CHODL: variants seen among roughly 807,000 people sequenced by gnomAD.
CHODL encodes the protein transmembrane protein MT75.
Under a neutral mutation model 34.5 loss-of-function variants are expected in CHODL, and 29 were observed. That is an observed-to-expected ratio of 0.84 (90% CI 0.63 to 1.15). The LOEUF (loss-of-function observed/expected upper bound fraction) is 1.15. Ranked by LOEUF, CHODL falls within the 50% of genes most tolerant of loss-of-function variation. CHODL has a pLI of 0.00. For missense variants in CHODL, 332 were observed against 332.5 expected (o/e 1.00, Z 0.01); for synonymous variants, 125 against 116.1 (o/e 1.08, Z -0.49).
chr21:18,082,621 A>G (rs1187637415), intron 2 of CHODL, among the ~76,000 whole-genome samples: 7 of 152,170 alleles, frequency 4.6e-5, no homozygotes, highest in Non-Finnish European at 5.9e-5. Flanking sequence ...TCAAATGGAG[A>G]TAAGAAACCT....
At chr21:18,041,193 C>G (rs1263687753) in intron 2 of CHODL, among the ~76,000 whole-genome samples, 5 of 151,940 alleles carry the variant, frequency 3.3e-5, no homozygotes, top group Admixed American at 3.3e-4. Flanking sequence ...TGTTATTGGC[C>G]TGTCATAGAC....
intron 2 of CHODL, among the ~76,000 whole-genome samples, chr21:18,172,703 G>A (rs2146662381): frequency 6.6e-6 from 1 of 152,222 alleles, no homozygotes. Flanking sequence ...ATCTTCAGAA[G>A]TCCTTGTTCC....
At chr21:17,921,100 T>C (rs752208980) in intron 1 of CHODL, among the ~76,000 whole-genome samples, 2 of 152,114 alleles carry the variant, frequency 1.3e-5, no homozygotes, top group Non-Finnish European at 2.9e-5. Flanking sequence ...AGAAACAGAT[T>C]TATTATAAGA....
upstream of CHODL, among the ~76,000 whole-genome samples, chr21:18,242,828 C>A (rs2074094754): frequency 6.6e-6 from 1 of 152,170 alleles, no homozygotes; most frequent in South Asian, 2.1e-4. Context: ...TCCTGAATTA[C>A]TAATACCATG....
chr21:18,182,517 C>T (rs2073393750), intron 2 of CHODL, among the ~76,000 whole-genome samples: 1 of 152,130 alleles, frequency 6.6e-6, no homozygotes, highest in Admixed American at 6.5e-5. Flanking sequence ...ACAATTTTGT[C>T]AGTTCTATCT....
rs536330109 is a variant in CHODL, at chr21:18,135,082, A to G, written c.-45+107111A>G. ...CTTGAGCCATGTTTGCATTATAAGA[A>G]AAACTACACTTACCGTAAGTAAATG... On this transcript the variant is annotated intron_variant, in intron 2 of 6. Transcript: ENST00000400127. Among the ~76,000 whole-genome samples the G allele has an allele frequency of 4.6e-5, 7 of 152,368 alleles. No individual in the cohort carries two copies. In the South Asian group the frequency reaches 1.2e-3, roughly 27 times the overall value.
intron 2 of CHODL, among the ~76,000 whole-genome samples, chr21:18,050,184 A>G (rs539005963): frequency 8.6e-5 from 13 of 152,022 alleles, no homozygotes; most frequent in African/African-American, 2.4e-4. Flanking sequence ...ACAGAGGGAC[A>G]TTTTCCTCAA....
chr21:18,216,646 T>G, intron 2 of CHODL, among the ~76,000 whole-genome samples: 1 of 152,192 alleles, frequency 6.6e-6, no homozygotes, highest in East Asian at 1.9e-4. Context: ...AAAAAATACC[T>G]GAGACTGGGT....
chr21:18,215,036 C>G (rs1055127880), intron 2 of CHODL, among the ~76,000 whole-genome samples: 2 of 151,954 alleles, frequency 1.3e-5, no homozygotes, highest in Non-Finnish European at 2.9e-5. Context: ...TGTAATAAAT[C>G]TAAGAAAAAT....
intron 2 of CHODL, among the ~76,000 whole-genome samples, chr21:18,229,881 A>G (rs532880206): frequency 6.6e-6 from 1 of 152,222 alleles, no homozygotes; most frequent in African/African-American, 2.4e-5. Context: ...CGAAAGGATA[A>G]TCTTCGCAAA....
intron 2 of CHODL, among the ~76,000 whole-genome samples, chr21:18,233,720 T>G (rs1369303024): frequency 6.6e-6 from 1 of 152,102 alleles, no homozygotes; most frequent in African/African-American, 2.4e-5. Context: ...TTCATAATGG[T>G]TAGGCTGCTT....
At chr21:18,173,688 A>G (rs973108146) in intron 2 of CHODL, among the ~76,000 whole-genome samples, 1 of 152,110 alleles carries the variant, frequency 6.6e-6, no homozygotes, top group Non-Finnish European at 1.5e-5. Flanking sequence ...AGTCTATGCT[A>G]TCTACATTGG....
rs191283911 is a variant in CHODL, at chr21:18,179,308, C to T, written c.-44-77201C>T. On this transcript the variant is annotated intron_variant, in intron 2 of 6. Transcript: ENST00000400127. The stretch of plus-strand genomic sequence containing the variant: ...AAACACTTGGGAGTCAGCCTCTGTT[C>T]GTCGATTCCTGTCTTAATTACTTTG... Among the ~76,000 whole-genome samples, 11 of 152,212 alleles carry T rather than the reference C, an allele frequency of 7.2e-5. No individual in the cohort carries two copies. In the East Asian group the frequency reaches 1.9e-3, roughly 27 times the overall value.
chr21:17,945,805 C>A (rs2063402817), intron 1 of CHODL, among the ~76,000 whole-genome samples: 1 of 152,004 alleles, frequency 6.6e-6, no homozygotes, highest in African/African-American at 2.4e-5. Flanking sequence ...ATCTAATAAT[C>A]AAACTATCAA....
intron 1 of CHODL, among the ~76,000 whole-genome samples, chr21:18,012,450 T>C (rs1183982346): frequency 2.6e-5 from 4 of 152,064 alleles, no homozygotes; most frequent in East Asian, 1.9e-4. Flanking sequence ...AGCTGAAAAA[T>C]GGTAAAGAAT....
chr21:18,195,156 AC>A, intron 2 of CHODL, among the ~76,000 whole-genome samples: 1 of 151,958 alleles, frequency 6.6e-6, no homozygotes, highest in East Asian at 1.9e-4. Flanking sequence ...CCAGGTTCAC[AC>A]CATTCTCCTG....
chr21:18,182,985 A>G (rs2073399684), intron 2 of CHODL, among the ~76,000 whole-genome samples: 1 of 152,216 alleles, frequency 6.6e-6, no homozygotes, highest in Admixed American at 6.5e-5. Flanking sequence ...CATAAAGCCT[A>G]TATCATACAA....
At chr21:18,132,888 T>C (rs539293661) in intron 2 of CHODL, among the ~76,000 whole-genome samples, 2 of 151,260 alleles carry the variant, frequency 1.3e-5, no homozygotes, top group African/African-American at 4.8e-5. Context: ...TTGATAGTAG[T>C]ATGAAAAGAG....
chr21:18,136,125 GAAAAA>G (rs1264698304), intron 2 of CHODL, among the ~76,000 whole-genome samples: 3 of 81,164 alleles, frequency 3.7e-5, no homozygotes, highest in African/African-American at 4.3e-5. Flanking sequence ...AAAAGAAAAA[GAAAAA>G]AAAGAAAAAA....
Sources: allele counts gnomAD v4.1 joint callset (sites outside exome capture counted in the v4.1 genomes callset), GRCh38; gene constraint gnomAD v4.1.1; transcripts MANE v1.5; gene names NCBI Gene and HGNC (gene_info 2026-07-23, HGNC 2026-07-21).